CFAP96: variants seen among roughly 807,000 people sequenced by gnomAD.
The protein encoded by CFAP96 is cilia-and flagella-associated protein 96.
the CFAP96 span, among the ~76,000 whole-genome samples, chr4:185,417,408 A>G: frequency 2.0e-5 from 3 of 152,174 alleles, no homozygotes; most frequent in Non-Finnish European, 2.9e-5. Flanking sequence ...ACATGGCCCA[A>G]ACCAACTTCA....
chr4:185,430,451 A>C, the CFAP96 span, among the ~76,000 whole-genome samples: 2 of 152,250 alleles, frequency 1.3e-5, no homozygotes, highest in Non-Finnish European at 2.9e-5. Flanking sequence ...ATATCTATGA[A>C]AATATTCACT....
chr4:185,436,998 G>A, the CFAP96 span, among the ~76,000 whole-genome samples: 3 of 152,150 alleles, frequency 2.0e-5, no homozygotes, highest in South Asian at 6.2e-4. Context: ...TAAATAAAGA[G>A]TCATATCCTG....
At chr4:185,434,966 C>T in the CFAP96 span, among the ~76,000 whole-genome samples, 1 of 152,164 alleles carries the variant, frequency 6.6e-6, no homozygotes, top group South Asian at 2.1e-4. Context: ...GTCTCAAACT[C>T]CTGACCTCAG....
chr4:185,420,270 T>A, the CFAP96 span, among the ~76,000 whole-genome samples: 3 of 152,182 alleles, frequency 2.0e-5, no homozygotes, highest in Non-Finnish European at 4.4e-5. Context: ...ATAGACTTTT[T>A]AAAAAATATG....
At chr4:185,440,703 C>A in the CFAP96 span, 33 of 1,459,434 alleles carry the variant, frequency 2.3e-5, 1 homozygote, top group South Asian at 3.8e-4. Context: ...TTTAAACCGT[C>A]TTCTCCTGGT....
chr4:185,429,096 A>T, the CFAP96 span, among the ~76,000 whole-genome samples: 1 of 152,228 alleles, frequency 6.6e-6, no homozygotes, highest in Non-Finnish European at 1.5e-5. Context: ...GATCTTGTAC[A>T]TTCCTTTGTA....
At chr4:185,428,650 C>T in the CFAP96 span, among the ~76,000 whole-genome samples, 1 of 151,696 alleles carries the variant, frequency 6.6e-6, no homozygotes, top group Admixed American at 6.6e-5. Context: ...TTTAATATTT[C>T]ACCTTTGTTT....
At chr4:185,409,065 C>T in the CFAP96 span, among the ~76,000 whole-genome samples, 1 of 152,074 alleles carries the variant, frequency 6.6e-6, no homozygotes, top group African/African-American at 2.4e-5. Context: ...TTTTTGGGCC[C>T]AAGCTTCTAC....
chr4:185,415,995 G>A, the CFAP96 span: 1 of 680,622 alleles, frequency 1.5e-6, no homozygotes. Context: ...AAGTACAGTA[G>A]TGAAAAGGGG....
chr4:185,413,733 G>A, the CFAP96 span: 11 of 1,608,996 alleles, frequency 6.8e-6, no homozygotes, highest in Admixed American at 1.5e-4. Context: ...CACCATACCA[G>A]TCTCCATGTT....
At chr4:185,439,939 ATG>A in the CFAP96 span, among the ~76,000 whole-genome samples, 3 of 144,592 alleles carry the variant, frequency 2.1e-5, no homozygotes, top group Non-Finnish European at 4.5e-5. Flanking sequence ...ATATACATAT[ATG>A]TATCATATAT....
chr4:185,436,368 T>C, the CFAP96 span: 2 of 1,529,498 alleles, frequency 1.3e-6, no homozygotes, highest in East Asian at 4.9e-5. Flanking sequence ...AGGTAAAAAA[T>C]CTGTTTTGAA....
At chr4:185,431,907 A>G in the CFAP96 span, 5 of 1,213,448 alleles carry the variant, frequency 4.1e-6, no homozygotes, top group African/African-American at 1.5e-5. Flanking sequence ...ATATTTGGAA[A>G]TTGTTATCTT....
chr4:185,426,229 A>C, the CFAP96 span: 1 of 290,340 alleles, frequency 3.4e-6, no homozygotes, highest in Non-Finnish European at 6.7e-6. Context: ...ATCACACAAT[A>C]AACGCCAGCT....
chr4:185,408,520 T>C, the CFAP96 span: 3 of 1,359,762 alleles, frequency 2.2e-6, no homozygotes, highest in South Asian at 4.0e-5. Context: ...ATGTTTAATG[T>C]TCTTAGAGTT....
the CFAP96 span, chr4:185,415,445 G>T: frequency 9.5e-7 from 1 of 1,056,560 alleles, no homozygotes; most frequent in Non-Finnish European, 1.3e-6. Context: ...TAAAAAACTT[G>T]ATTGGACCAG....
At chr4:185,449,038 G>A in the CFAP96 span, among the ~76,000 whole-genome samples, 1 of 152,042 alleles carries the variant, frequency 6.6e-6, no homozygotes, top group Non-Finnish European at 1.5e-5. Context: ...TTTAAAACCA[G>A]TAAACCTTTG....
At chr4:185,417,728 A>T in the CFAP96 span, among the ~76,000 whole-genome samples, 1 of 152,008 alleles carries the variant, frequency 6.6e-6, no homozygotes, top group African/African-American at 2.4e-5. Flanking sequence ...CATGGCAGGT[A>T]CTCAGTAATA....
At chr4:185,435,096 T>C in the CFAP96 span, among the ~76,000 whole-genome samples, 4 of 152,350 alleles carry the variant, frequency 2.6e-5, no homozygotes, top group East Asian at 7.7e-4. Context: ...GTGCTTGCGT[T>C]AAATCACATT....
Sources: allele counts gnomAD v4.1 joint callset (sites outside exome capture counted in the v4.1 genomes callset), GRCh38; gene constraint gnomAD v4.1.1; transcripts MANE v1.5; gene names NCBI Gene and HGNC (gene_info 2026-07-23, HGNC 2026-07-21).